The following FSHR variants were observed in gnomAD, a reference collection of about 807,000 sequenced individuals.
FSHR encodes follicle-stimulating hormone receptor.
A neutral mutation model predicts 52.1 loss-of-function variants in FSHR; 46 were observed. The observed-to-expected ratio is 0.88, with a 90% CI of 0.70 to 1.13. The LOEUF is 1.13. Among genes scored for constraint, FSHR ranks in the 50% most tolerant of loss-of-function variants. The pLI, the probability that FSHR is intolerant of heterozygous loss-of-function variation, is 0.00. For synonymous variants in FSHR, 399 were observed against 309.6 expected (o/e 1.29, Z -3.03); for missense variants, 964 against 834.6 (o/e 1.16, Z -1.91).
chr2:48,975,876 G>A (rs1162286798), intron 8 of FSHR, among the ~76,000 whole-genome samples: 2 of 152,158 alleles, frequency 1.3e-5, no homozygotes, highest in Admixed American at 1.3e-4. Flanking sequence ...ATCAGCTTAA[G>A]GAGATTTGGG....
At chr2:49,025,569 T>C (rs930676118) in intron 2 of FSHR, among the ~76,000 whole-genome samples, 1 of 152,178 alleles carries the variant, frequency 6.6e-6, no homozygotes, top group Admixed American at 6.5e-5. Flanking sequence ...ATGTCATGTA[T>C]AAGAAGGCAG....
intron 1 of FSHR, among the ~76,000 whole-genome samples, chr2:49,091,512 G>A (rs954453974): frequency 5.9e-5 from 9 of 152,074 alleles, no homozygotes; most frequent in African/African-American, 1.9e-4. Flanking sequence ...GCCCAGTCTG[G>A]TCTTCAACTC....
chr2:49,071,907 T>C (rs1504168), intron 1 of FSHR, among the ~76,000 whole-genome samples: 81,340 of 151,900 alleles, frequency 0.54, 22,128 homozygotes, highest in East Asian at 0.76. Flanking sequence ...GGCACCAAGC[T>C]GCTCATGAGG....
chr2:49,117,099 G>T (rs1671628733), intron 1 of FSHR, among the ~76,000 whole-genome samples: 1 of 152,166 alleles, frequency 6.6e-6, no homozygotes, highest in Non-Finnish European at 1.5e-5. Flanking sequence ...CCTGGTTAGA[G>T]TTTGGCCATC....
chr2:48,963,840 G>T lies in FSHR; in HGVS notation c.981C>A (p.Asp327Glu). The T allele has an allele frequency of 6.2e-7, 1 of 1,614,160 alleles. No homozygotes were observed. The highest frequency in any genetic ancestry group is 2.2e-5 in the East Asian group (1 of 44,876). The change falls in exon 10 of 10, where the codon GAC becomes GAA. Residue 327 changes from aspartate (D) to glutamate (E), a missense_variant. By Grantham distance (45) the Asp-to-Glu change is conservative (BLOSUM62 2). Transcript: ENST00000406846. ...DNESSYSRGF[D>E]MTYTEFDYDL... ...CATAGTCAAACTCAGTGTACGTCAT[G>T]TCAAATCCTCTGCTGTAGCTGGACT...
At chr2:49,037,377 C>T (rs1668305641) in intron 2 of FSHR, among the ~76,000 whole-genome samples, 1 of 152,206 alleles carries the variant, frequency 6.6e-6, no homozygotes, top group Non-Finnish European at 1.5e-5. Context: ...CCCCATTGAA[C>T]ACACTTCATC....
At chr2:49,126,197 C>G (rs1432742741) in intron 1 of FSHR, among the ~76,000 whole-genome samples, 2 of 152,098 alleles carry the variant, frequency 1.3e-5, no homozygotes, top group African/African-American at 4.8e-5. Flanking sequence ...TTATTTGTTA[C>G]AGTTTTGGAA....
rs776939419 is a variant in FSHR, at chr2:48,983,217, C to T, written c.525-51G>A. The T allele has an allele frequency of 2.6e-6, 4 of 1,540,572 alleles. No homozygotes were observed. In the East Asian group the frequency reaches 9.0e-5, roughly 35 times the overall value. ...CCAATAATGTCAGATGCAAACAATA[C>T]ACGGGTTTCATAATTGGAAGCACTG... On this transcript the variant is annotated intron_variant, in intron 6 of 9. Transcript: ENST00000406846.
intron 2 of FSHR, among the ~76,000 whole-genome samples, chr2:49,062,726 A>C (rs1013114008): frequency 1.3e-5 from 2 of 152,098 alleles, no homozygotes; most frequent in Non-Finnish European, 2.9e-5. Flanking sequence ...ATTAATAATC[A>C]AATTTAAAAA....
At chr2:49,069,005 A>G (rs1558422507) in intron 1 of FSHR, among the ~76,000 whole-genome samples, 1 of 152,088 alleles carries the variant, frequency 6.6e-6, no homozygotes, top group Non-Finnish European at 1.5e-5. Context: ...ATCTAAAAAA[A>G]GTCTTCTCTT....
intron 1 of FSHR, among the ~76,000 whole-genome samples, chr2:49,078,302 G>A (rs1180475349): frequency 6.6e-6 from 1 of 152,118 alleles, no homozygotes; most frequent in Non-Finnish European, 1.5e-5. Context: ...CCGATCTCGT[G>A]AGACTTATTC....
At chr2:48,969,392 C>G (rs998989481) in intron 8 of FSHR, among the ~76,000 whole-genome samples, 5 of 152,198 alleles carry the variant, frequency 3.3e-5, no homozygotes, top group African/African-American at 1.2e-4. Context: ...AGTGTTAGCA[C>G]AAAGTCCAAG....
At chr2:49,127,170 A>T (rs2103795556) in intron 1 of FSHR, among the ~76,000 whole-genome samples, 1 of 152,228 alleles carries the variant, frequency 6.6e-6, no homozygotes, top group South Asian at 2.1e-4. Context: ...TCTACTAAAA[A>T]TACAAAAATT....
At chr2:49,036,981 T>A (rs566711585) in intron 2 of FSHR, among the ~76,000 whole-genome samples, 1 of 152,176 alleles carries the variant, frequency 6.6e-6, no homozygotes, top group Admixed American at 6.5e-5. Context: ...CAAGGAAAAA[T>A]TTTAATTAGC....
intron 1 of FSHR, among the ~76,000 whole-genome samples, chr2:49,112,526 T>C (rs1241610683): frequency 2.0e-5 from 3 of 152,190 alleles, no homozygotes; most frequent in African/African-American, 7.2e-5. Context: ...TTTTAATATG[T>C]TAAAAATTTC....
chr2:49,153,618 C>A (rs1673137879), intron 1 of FSHR, among the ~76,000 whole-genome samples: 1 of 152,158 alleles, frequency 6.6e-6, no homozygotes, highest in South Asian at 2.1e-4. Flanking sequence ...AGTCTACTTC[C>A]TGTTAAAATA....
intron 8 of FSHR, among the ~76,000 whole-genome samples, chr2:48,970,453 G>A (rs759727657): frequency 8.6e-5 from 13 of 152,008 alleles, no homozygotes; most frequent in Non-Finnish European, 1.3e-4. Context: ...CTTTCTTGGC[G>A]TCATATTCTC....
intron 6 of FSHR, among the ~76,000 whole-genome samples, chr2:48,985,291 G>T (rs563611958): frequency 6.6e-6 from 1 of 152,318 alleles, no homozygotes; most frequent in South Asian, 2.1e-4. Context: ...AAAGAGTGGA[G>T]GTGCTGGGGA....
chr2:48,984,586 A>AC (rs1675403466), intron 6 of FSHR, among the ~76,000 whole-genome samples: 1 of 101,654 alleles, frequency 9.8e-6, no homozygotes, highest in East Asian at 2.7e-4. Context: ...ATAATTGGGT[A>AC]TTTTTTTTTT....
Sources: gnomAD v4.1 joint callset for allele counts (sites outside exome capture counted in the v4.1 genomes callset) on GRCh38, gnomAD v4.1.1 for gene constraint, MANE v1.5 for transcripts, NCBI Gene and HGNC (gene_info 2026-07-23, HGNC 2026-07-21) for gene names.